MRPS28: variants seen among roughly 807,000 people sequenced by gnomAD.
MRPS28 encodes small ribosomal subunit protein bS1m.
A neutral mutation model predicts 10.8 loss-of-function variants in MRPS28; 7 were observed. The observed-to-expected ratio is 0.65, with a 90% CI of 0.37 to 1.22. MRPS28 has a LOEUF of 1.22. MRPS28 is among the 50% of genes most tolerant of loss of function. The pLI is 0.02. For synonymous variants in MRPS28, 121 were observed against 93.3 expected (o/e 1.30, Z -1.71); for missense variants, 265 against 232.9 (o/e 1.14, Z -0.90).
At chr8:80,021,208 G>C (rs1809353439) in intron 1 of MRPS28, among the ~76,000 whole-genome samples, 2 of 152,026 alleles carry the variant, frequency 1.3e-5, no homozygotes, top group African/African-American at 2.4e-5. Flanking sequence ...TCACCATGTT[G>C]GTCAGGATGG....
At chr8:79,974,342 C>T (rs1473444237) in intron 2 of MRPS28, among the ~76,000 whole-genome samples, 1 of 151,990 alleles carries the variant, frequency 6.6e-6, no homozygotes, top group Non-Finnish European at 1.5e-5. Flanking sequence ...AGATCAAGAC[C>T]ATCCTGGCTA....
At chr8:79,962,156 A>G (rs199952770) in intron 2 of MRPS28, among the ~76,000 whole-genome samples, 1 of 151,810 alleles carries the variant, frequency 6.6e-6, no homozygotes, top group African/African-American at 2.4e-5. Context: ...TAAAAAAAAA[A>G]GGAGAAGGGT....
rs775769385 is a variant in MRPS28, at chr8:79,918,970, C to T, written c.*10G>A. 2.0e-6 allele frequency: 3 copies of T among 1,522,398 alleles called. No individual in the cohort carries two copies. Among genetic ancestry groups the T allele is most frequent in the Non-Finnish European group, 1.8e-6 (2 of 1,135,026 alleles). 94.3% of individuals were successfully genotyped at this position (1,522,398 alleles called of 1,614,324 possible). On this transcript the variant is annotated 3_prime_UTR_variant, in exon 3 of 3. Transcript: ENST00000276585. ...TCAGCAAAGGAGTCAATCCACTAAG[C>T]AAAGTTCATTTATTTTTCATGATGT... is the stretch of plus-strand genomic sequence containing the variant.
At chr8:79,922,148 A>C (rs1309558548) in intron 2 of MRPS28, among the ~76,000 whole-genome samples, 1 of 152,190 alleles carries the variant, frequency 6.6e-6, no homozygotes, top group Non-Finnish European at 1.5e-5. Flanking sequence ...AAAATGTCTA[A>C]GTGTAAAGTA....
At chr8:79,981,549 TA>T (rs1200722258) in intron 2 of MRPS28, among the ~76,000 whole-genome samples, 6 of 152,032 alleles carry the variant, frequency 3.9e-5, no homozygotes, top group African/African-American at 1.2e-4. Context: ...TTCTAGTAAA[TA>T]AAAAAAGTAA....
intron 2 of MRPS28, among the ~76,000 whole-genome samples, chr8:79,949,550 C>T (rs1255316402): frequency 6.6e-6 from 1 of 151,996 alleles, no homozygotes; most frequent in African/African-American, 2.4e-5. Flanking sequence ...TTTTTGCTTC[C>T]AGCATTCAAT....
intron 1 of MRPS28, among the ~76,000 whole-genome samples, chr8:80,019,637 A>G (rs1210575085): frequency 6.6e-6 from 1 of 152,136 alleles, no homozygotes; most frequent in South Asian, 2.1e-4. Context: ...AGCTAATGCA[A>G]TAAGACAAAA....
chr8:79,996,200 CAAT>C (rs1808498707), intron 2 of MRPS28, among the ~76,000 whole-genome samples: 1 of 152,152 alleles, frequency 6.6e-6, no homozygotes. Context: ...ATTATTTACA[CAAT>C]AAACTTTTTT....
intron 2 of MRPS28, among the ~76,000 whole-genome samples, chr8:79,974,249 T>C (rs1320884494): frequency 6.6e-6 from 1 of 151,742 alleles, no homozygotes; most frequent in Non-Finnish European, 1.5e-5. Flanking sequence ...CATATACATA[T>C]AAACAAACGA....
chr8:79,962,301 C>T (rs1274809097), intron 2 of MRPS28, among the ~76,000 whole-genome samples: 1 of 152,044 alleles, frequency 6.6e-6, no homozygotes, highest in Non-Finnish European at 1.5e-5. Context: ...TGCAACCACC[C>T]AAGCTTACTC....
At chr8:79,937,334 C>T (rs1271172116) in intron 2 of MRPS28, among the ~76,000 whole-genome samples, 2 of 152,082 alleles carry the variant, frequency 1.3e-5, no homozygotes, top group Admixed American at 6.5e-5. Flanking sequence ...TAAAATTTTA[C>T]CAAAAAACTG....
chr8:80,029,687 T>G, intron 1 of MRPS28: 1 of 1,337,288 alleles, frequency 7.5e-7, no homozygotes, highest in Non-Finnish European at 9.9e-7. Flanking sequence ...TGCCTCTCCG[T>G]GTGAGTCCCA....
At chr8:80,012,261 T>C (rs1464936790) in intron 1 of MRPS28, among the ~76,000 whole-genome samples, 2 of 152,204 alleles carry the variant, frequency 1.3e-5, no homozygotes, top group Non-Finnish European at 2.9e-5. Context: ...TTTCATTTGA[T>C]TTTTGATATT....
intron 2 of MRPS28, among the ~76,000 whole-genome samples, chr8:79,922,455 G>A (rs546744171): frequency 7.9e-5 from 12 of 152,260 alleles, no homozygotes; most frequent in African/African-American, 2.9e-4. Context: ...AAATTGCTAA[G>A]TGAGTATATT....
chr8:80,004,714 T>C (rs981280548), intron 1 of MRPS28, among the ~76,000 whole-genome samples: 1 of 152,072 alleles, frequency 6.6e-6, no homozygotes, highest in Non-Finnish European at 1.5e-5. Context: ...TCAGAACCCA[T>C]CGCAAAGAAG....
intron 2 of MRPS28, among the ~76,000 whole-genome samples, chr8:79,990,023 T>C (rs1368847449): frequency 6.6e-6 from 1 of 152,090 alleles, no homozygotes; most frequent in Admixed American, 6.6e-5. Context: ...TAGCCAGGCA[T>C]GGTGGCAGAC....
intron 2 of MRPS28, among the ~76,000 whole-genome samples, chr8:79,979,818 C>T (rs982684648): frequency 7.0e-6 from 1 of 142,764 alleles, no homozygotes; most frequent in African/African-American, 2.6e-5. Context: ...CCATGCATGA[C>T]TCAAGAAGCC....
chr8:80,013,634 C>CAAAAAAAAAAAAAAAAAAAAAAAAA (rs5892700), intron 1 of MRPS28, among the ~76,000 whole-genome samples: 1 of 75,628 alleles, frequency 1.3e-5, no homozygotes, highest in Non-Finnish European at 2.5e-5. Context: ...GACTCCATCT[C>CAAAAAAAAAAAAAAAAAAAAAAAAA]AAAAAAAAAA....
chr8:79,979,749 C>T (rs902842593), intron 2 of MRPS28, among the ~76,000 whole-genome samples: 2 of 151,680 alleles, frequency 1.3e-5, no homozygotes, highest in Non-Finnish European at 2.9e-5. Context: ...TCTTCCTTCC[C>T]ATTCTCTTCC....
Sources: allele counts gnomAD v4.1 joint callset (sites outside exome capture counted in the v4.1 genomes callset), GRCh38; gene constraint gnomAD v4.1.1; transcripts MANE v1.5; gene names NCBI Gene and HGNC (gene_info 2026-07-23, HGNC 2026-07-21).